The following ST6GALNAC3 variants were observed in gnomAD, a reference collection of about 807,000 sequenced individuals.
ST6GALNAC3 encodes the protein alpha-N-acetylgalactosaminide alpha-2,6-sialyltransferase 3.
In ST6GALNAC3, 25 loss-of-function variants were observed where a neutral mutation model predicts 32.7. The observed-to-expected ratio is 0.76, with a 90% CI of 0.56 to 1.07. The LOEUF (loss-of-function observed/expected upper bound fraction) is 1.07, where lower values mean the gene tolerates loss of function less well. Among genes scored for constraint, ST6GALNAC3 ranks in the 50% least tolerant of loss-of-function variants. The probability of loss-of-function intolerance (pLI) is 0.00; values close to 1 mark genes in which losing one functional copy is unlikely to be tolerated. For missense variants in ST6GALNAC3, 355 were observed against 382.4 expected, an observed-to-expected ratio of 0.93 and a Z score of 0.60; for synonymous variants, 129 against 133.1, an observed-to-expected ratio of 0.97 and a Z score of 0.21.
chr1:76,624,685 G>A (rs1311447656), intron 3 of ST6GALNAC3, among the ~76,000 whole-genome samples: 1 of 151,658 alleles, frequency 6.6e-6, no homozygotes, highest in East Asian at 1.9e-4. Flanking sequence ...TTAGCACTAT[G>A]GTTCAGTTAT....
Position 76,412,431 on chromosome 1 carries a change from G to A in ST6GALNAC3, c.623+14G>A, listed in dbSNP as rs1249465862. 9.5e-6 allele frequency: 15 copies of A among 1,572,994 alleles called. No homozygotes were observed. The East Asian group carries it at 1.6e-4, about 17-fold the overall frequency. ...TGGGAAGGACAGGTGAGCCCTCTCT[G>A]AAGCAGCTTTATTGTCTTTTATTAT... is the stretch of plus-strand genomic sequence containing the variant. On this transcript the variant is annotated intron_variant, in intron 3 of 4. Transcript: ENST00000328299.
intron 2 of ST6GALNAC3, among the ~76,000 whole-genome samples, chr1:76,334,434 C>G (rs181098722): frequency 1.3e-5 from 2 of 152,276 alleles, no homozygotes; most frequent in African/African-American, 4.8e-5. Context: ...AGCCATCGTT[C>G]CCACGTATTA....
chr1:76,412,410 A>T lies in ST6GALNAC3; in HGVS notation c.616A>T (p.Lys206Ter). ...CDGVFKKETG[K>*]DRVQSGSYLS... ...TGGAGTTTTTAAGAAGGAAACTGGG[A>T]AGGACAGGTGAGCCCTCTCTGAAGC... The change falls in exon 3 of 5, where the codon AAG (lysine) becomes TAG (stop). Residue 206 changes from lysine to a stop codon, truncating the protein, a stop_gained. Coordinates refer to ENST00000328299, the MANE Select transcript of ST6GALNAC3 (RefSeq NM_152996.4). LOFTEE classifies it high-confidence loss of function. 1 of 1,601,914 alleles carries T rather than the reference A, an allele frequency of 6.2e-7. No homozygotes were observed. The highest frequency in any genetic ancestry group is 2.2e-5 in the East Asian group (1 of 44,628).
intron 2 of ST6GALNAC3, among the ~76,000 whole-genome samples, chr1:76,346,620 G>A (rs980776603): frequency 1.3e-5 from 2 of 152,166 alleles, no homozygotes; most frequent in Non-Finnish European, 2.9e-5. Context: ...AGAGGCAGTG[G>A]GGTATGGTGT....
At chr1:76,276,051 A>G (rs1286348337) in intron 1 of ST6GALNAC3, among the ~76,000 whole-genome samples, 1 of 152,190 alleles carries the variant, frequency 6.6e-6, no homozygotes, top group Non-Finnish European at 1.5e-5. Flanking sequence ...CAGTAGAGAG[A>G]CACAATGGCT....
intron 1 of ST6GALNAC3, among the ~76,000 whole-genome samples, chr1:76,284,685 A>C (rs1240578090): frequency 6.6e-6 from 1 of 152,150 alleles, no homozygotes; most frequent in Non-Finnish European, 1.5e-5. Flanking sequence ...AAACAGCCAA[A>C]TATCAAACCT....
At chr1:76,216,402 G>T (rs1477662081) in intron 1 of ST6GALNAC3, among the ~76,000 whole-genome samples, 1 of 152,214 alleles carries the variant, frequency 6.6e-6, no homozygotes, top group African/African-American at 2.4e-5. Flanking sequence ...CAAGTATAGT[G>T]CCAGGCTTTC....
intron 2 of ST6GALNAC3, among the ~76,000 whole-genome samples, chr1:76,406,735 C>A (rs1156252203): frequency 6.6e-6 from 1 of 151,838 alleles, no homozygotes; most frequent in Non-Finnish European, 1.5e-5. Flanking sequence ...ATAATTATTT[C>A]TTTGATATTC....
chr1:76,211,832 GT>G (rs1410167213), intron 1 of ST6GALNAC3, among the ~76,000 whole-genome samples: 2 of 152,088 alleles, frequency 1.3e-5, no homozygotes, highest in Non-Finnish European at 2.9e-5. Flanking sequence ...TATACCTAAT[GT>G]TAAATGATGA....
intron 3 of ST6GALNAC3, among the ~76,000 whole-genome samples, chr1:76,414,012 G>A (rs1224038042): frequency 6.6e-6 from 1 of 152,020 alleles, no homozygotes; most frequent in African/African-American, 2.4e-5. Context: ...GAAGAGCTTA[G>A]CATGCTGTTG....
At chr1:76,402,395 A>G (rs1653493453) in intron 2 of ST6GALNAC3, among the ~76,000 whole-genome samples, 1 of 152,064 alleles carries the variant, frequency 6.6e-6, no homozygotes, top group Non-Finnish European at 1.5e-5. Flanking sequence ...TTTTCCATTT[A>G]CTAATTTTGC....
intron 2 of ST6GALNAC3, among the ~76,000 whole-genome samples, chr1:76,375,720 A>G (rs1008186222): frequency 2.0e-5 from 3 of 152,226 alleles, no homozygotes; most frequent in African/African-American, 7.2e-5. Context: ...TTGGAAATAA[A>G]TCAAATGTCT....
intron 1 of ST6GALNAC3, among the ~76,000 whole-genome samples, chr1:76,098,905 C>T (rs1007184469): frequency 6.6e-6 from 1 of 151,856 alleles, no homozygotes; most frequent in Non-Finnish European, 1.5e-5. Flanking sequence ...CATTATTTTG[C>T]CTTTCAAATT....
intron 3 of ST6GALNAC3, among the ~76,000 whole-genome samples, chr1:76,471,671 A>G (rs1659040116): frequency 6.6e-6 from 1 of 152,124 alleles, no homozygotes; most frequent in Non-Finnish European, 1.5e-5. Context: ...TAGGCATTCA[A>G]TAAACATTTG....
rs1012121749 is a variant in ST6GALNAC3, at chr1:76,535,986, T to A, written c.624-91466T>A. Among the ~76,000 whole-genome samples, 49 of 152,140 alleles carry A rather than the reference T, an allele frequency of 3.2e-4. 2 individuals are homozygous for A. Reference sequence around the variant, plus strand: ...TCTTCTTGGGCAAAAGAAATCTTAATCAAACATCATTTCAGTTTAATGCTT... The same window carrying A: ...TCTTCTTGGGCAAAAGAAATCTTAAACAAACATCATTTCAGTTTAATGCTT... On this transcript the variant is annotated intron_variant, in intron 3 of 4. Transcript: ENST00000328299.
intron 2 of ST6GALNAC3, among the ~76,000 whole-genome samples, chr1:76,379,007 C>T (rs553234309): frequency 1.3e-5 from 2 of 152,272 alleles, no homozygotes; most frequent in African/African-American, 2.4e-5. Context: ...AAGTGATTCT[C>T]CTGCCTCAGC....
At chr1:76,473,679 G>A (rs1659174382) in intron 3 of ST6GALNAC3, among the ~76,000 whole-genome samples, 1 of 152,098 alleles carries the variant, frequency 6.6e-6, no homozygotes, top group Non-Finnish European at 1.5e-5. Context: ...TTCCATTAAT[G>A]TAGAAACATA....
At chr1:76,420,665 G>T (rs1321233939) in intron 3 of ST6GALNAC3, among the ~76,000 whole-genome samples, 1 of 151,980 alleles carries the variant, frequency 6.6e-6, no homozygotes, top group Non-Finnish European at 1.5e-5. Context: ...CCTTTTCTTT[G>T]TTCTATTATT....
chr1:76,619,446 G>C (rs1380038545), intron 3 of ST6GALNAC3, among the ~76,000 whole-genome samples: 4 of 151,904 alleles, frequency 2.6e-5, no homozygotes, highest in African/African-American at 9.7e-5. Flanking sequence ...AGCACTACTA[G>C]GTGCATCCTT....
Sources: gnomAD v4.1 joint callset for allele counts (sites outside exome capture counted in the v4.1 genomes callset) on GRCh38, gnomAD v4.1.1 for gene constraint, MANE v1.5 for transcripts, NCBI Gene and HGNC (gene_info 2026-07-23, HGNC 2026-07-21) for gene names.